The following GPC6 variants were observed in gnomAD, a reference collection of about 807,000 sequenced individuals.
GPC6 encodes the protein glypican-6.
Under a neutral mutation model 55.2 loss-of-function variants are expected in GPC6, and 14 were observed. The ratio of observed to expected loss-of-function variants is 0.25; its 90% CI spans 0.17 to 0.40. The LOEUF is 0.40. Among genes scored for constraint, GPC6 ranks in the 10% least tolerant of loss-of-function variants. GPC6 has a pLI of 1.00. For synonymous variants in GPC6, 278 were observed against 259.6 expected, an observed-to-expected ratio of 1.07 and a Z score of -0.68; for missense variants, 641 against 708.5, an observed-to-expected ratio of 0.90 and a Z score of 1.08.
At chr13:93,348,554 C>T (rs923989678) in intron 1 of GPC6, among the ~76,000 whole-genome samples, 5 of 152,152 alleles carry the variant, frequency 3.3e-5, no homozygotes, top group African/African-American at 1.2e-4. Context: ...GCACTGCAAT[C>T]CACATTAGTG....
intron 7 of GPC6, among the ~76,000 whole-genome samples, chr13:94,395,146 G>A (rs1475664129): frequency 6.6e-6 from 1 of 152,176 alleles, no homozygotes; most frequent in Non-Finnish European, 1.5e-5. Flanking sequence ...TAATAATTAG[G>A]TAGAGCTCAC....
intron 1 of GPC6, among the ~76,000 whole-genome samples, chr13:93,481,634 G>A (rs968523641): frequency 2.2e-4 from 22 of 98,864 alleles, no homozygotes; most frequent in African/African-American, 8.2e-4. Context: ...TAGGGATCCA[G>A]CTTCATTTTT....
chr13:93,700,879 C>CA (rs1209448407), intron 2 of GPC6, among the ~76,000 whole-genome samples: 1 of 152,020 alleles, frequency 6.6e-6, no homozygotes, highest in African/African-American at 2.4e-5. Context: ...TTATGTGGGA[C>CA]AAAATATTCA....
chr13:94,033,123 T>C (rs1047187606), intron 4 of GPC6, among the ~76,000 whole-genome samples: 1 of 152,214 alleles, frequency 6.6e-6, no homozygotes, highest in African/African-American at 2.4e-5. Flanking sequence ...GGGAATATTC[T>C]AAGAGGCTGT....
chr13:93,779,609 G>T (rs1347350819), intron 2 of GPC6, among the ~76,000 whole-genome samples: 1 of 152,138 alleles, frequency 6.6e-6, no homozygotes, highest in African/African-American at 2.4e-5. Flanking sequence ...ATTTCAAAGA[G>T]ATAGTTTGAT....
At chr13:94,288,101 C>T (rs1306242816) in intron 5 of GPC6, among the ~76,000 whole-genome samples, 4 of 152,112 alleles carry the variant, frequency 2.6e-5, no homozygotes, top group Admixed American at 6.6e-5. Flanking sequence ...GGCACCATTC[C>T]AGCCCTCAGT....
At chr13:94,031,708 C>A (rs921801544) in intron 4 of GPC6, among the ~76,000 whole-genome samples, 1 of 152,192 alleles carries the variant, frequency 6.6e-6, no homozygotes, top group Non-Finnish European at 1.5e-5. Context: ...AAATTAAAAT[C>A]TCCTAGAGGG....
At chr13:93,987,000 C>T (rs2140410905) in intron 3 of GPC6, among the ~76,000 whole-genome samples, 1 of 152,198 alleles carries the variant, frequency 6.6e-6, no homozygotes, top group East Asian at 1.9e-4. Context: ...GTTGGAGAAA[C>T]TGGGTATCAT....
chr13:93,796,557 A>G (rs1206303757), intron 2 of GPC6, among the ~76,000 whole-genome samples: 1 of 152,226 alleles, frequency 6.6e-6, no homozygotes, highest in Non-Finnish European at 1.5e-5. Context: ...TTAAATTAAA[A>G]AAATCAAAAG....
intron 2 of GPC6, among the ~76,000 whole-genome samples, chr13:93,572,613 CTT>C (rs1315711395): frequency 1.3e-5 from 2 of 152,072 alleles, no homozygotes; most frequent in African/African-American, 4.8e-5. Context: ...TATTTAGAAA[CTT>C]ATATTATTCC....
At chr13:93,632,450 A>G (rs1031831269) in intron 2 of GPC6, among the ~76,000 whole-genome samples, 1 of 151,806 alleles carries the variant, frequency 6.6e-6, no homozygotes, top group African/African-American at 2.4e-5. Flanking sequence ...CTCTACAAAA[A>G]ATACAAAAAT....
chr13:93,278,255 GTTTGT>G (rs1877826594), intron 1 of GPC6, among the ~76,000 whole-genome samples: 1 of 152,006 alleles, frequency 6.6e-6, no homozygotes, highest in Admixed American at 6.6e-5. Flanking sequence ...TTTTTAAAAA[GTTTGT>G]TTTATTTTTA....
In GPC6 at chr13:93,227,348, G is replaced by C; in HGVS notation, c.-109G>C. 1.4e-5 allele frequency: 15 copies of C among 1,088,646 alleles called. No homozygotes were observed. Among genetic ancestry groups the C allele is most frequent in the Middle Eastern group, 2.4e-4 (1 of 4,220 alleles). The allele number at this position is 1,088,646 out of a possible 1,614,324, so 67.4% of individuals were successfully genotyped here. A position where few individuals can be genotyped will look rare whatever the true frequency, so the allele number is the denominator to read the frequency against. On this transcript the variant is annotated 5_prime_UTR_variant, in exon 1 of 9. Transcript: ENST00000377047. This position sits in a 1 kb window ranked among gnomAD's most constrained non-coding sequence, Gnocchi z 4.3. ...CGGCTGGCAGAAGGGGGTGACGCTG[G>C]GCAGCGGCGAGGAGCGCGCCGCTGC... is the stretch of plus-strand genomic sequence containing the variant.
chr13:93,674,515 G>C (rs1353791423), intron 2 of GPC6, among the ~76,000 whole-genome samples: 1 of 152,108 alleles, frequency 6.6e-6, no homozygotes, highest in African/African-American at 2.4e-5. Flanking sequence ...AATATGAAGT[G>C]GTTTATGGGA....
chr13:94,254,645 T>C (rs1302528836), intron 4 of GPC6, among the ~76,000 whole-genome samples: 1 of 152,030 alleles, frequency 6.6e-6, no homozygotes, highest in African/African-American at 2.4e-5. Context: ...ATTTAAAAAC[T>C]GCTATACAAA....
At chr13:93,889,599 G>A (rs866670960) in intron 3 of GPC6, among the ~76,000 whole-genome samples, 2 of 152,098 alleles carry the variant, frequency 1.3e-5, no homozygotes, top group South Asian at 4.1e-4. Context: ...ACTGTTACAG[G>A]TGTCTGTGGT....
At chr13:94,228,771 C>T (rs991877414) in intron 4 of GPC6, among the ~76,000 whole-genome samples, 4 of 149,262 alleles carry the variant, frequency 2.7e-5, no homozygotes, top group African/African-American at 9.9e-5. Context: ...AATGCCCTCT[C>T]CAATACACAT....
chr13:93,510,905 G>GT (rs1204353387), intron 1 of GPC6, among the ~76,000 whole-genome samples: 2 of 137,118 alleles, frequency 1.5e-5, no homozygotes, highest in African/African-American at 2.6e-5. Context: ...ATGTTGAGCA[G>GT]TTTTTTTGTA....
intron 5 of GPC6, among the ~76,000 whole-genome samples, chr13:94,301,417 T>C (rs931442368): frequency 3.9e-5 from 6 of 151,998 alleles, no homozygotes; most frequent in African/African-American, 1.5e-4. Flanking sequence ...TTAAAAGATT[T>C]TTAAAAGGTT....
Sources: gnomAD v4.1 joint callset for allele counts (sites outside exome capture counted in the v4.1 genomes callset) on GRCh38, gnomAD v4.1.1 for gene constraint, Gnocchi (gnomAD v3.1) non-coding constraint, MANE v1.5 for transcripts, NCBI Gene and HGNC (gene_info 2026-07-23, HGNC 2026-07-21) for gene names.